HIBADH: variants seen among roughly 807,000 people sequenced by gnomAD.
HIBADH encodes 3-hydroxyisobutyrate dehydrogenase, mitochondrial.
Under a neutral mutation model 36.1 loss-of-function variants are expected in HIBADH, and 25 were observed. The ratio of observed to expected loss-of-function variants is 0.69; its 90% CI spans 0.50 to 0.97. HIBADH has a LOEUF of 0.97. Among genes scored for constraint, HIBADH ranks in the 50% least tolerant of loss-of-function variants. The pLI is 0.00. For synonymous variants in HIBADH, 160 were observed against 149.5 expected (o/e 1.07, Z -0.51); for missense variants, 421 against 418.0 (o/e 1.01, Z -0.06).
intron 7 of HIBADH, among the ~76,000 whole-genome samples, chr7:27,527,014 G>A (rs901676687): frequency 6.6e-6 from 1 of 152,096 alleles, no homozygotes; most frequent in African/African-American, 2.4e-5. Context: ...ACATGGGGGT[G>A]GCAGGGAGGT....
At chr7:27,643,419 A>T (rs1262879008) in intron 2 of HIBADH, among the ~76,000 whole-genome samples, 1 of 152,264 alleles carries the variant, frequency 6.6e-6, no homozygotes, top group Non-Finnish European at 1.5e-5. Context: ...ATTAACATAC[A>T]GTGATTAATA....
At chr7:27,561,092 A>G (rs1357758821) in intron 4 of HIBADH, among the ~76,000 whole-genome samples, 1 of 152,160 alleles carries the variant, frequency 6.6e-6, no homozygotes, top group Admixed American at 6.5e-5. Flanking sequence ...CTTATTAGTC[A>G]TCTGTGTATC....
At chr7:27,629,111 G>A (rs528988994) in intron 4 of HIBADH, among the ~76,000 whole-genome samples, 6 of 151,840 alleles carry the variant, frequency 4.0e-5, no homozygotes, top group South Asian at 2.1e-4. Flanking sequence ...AAAAACTGAT[G>A]TATTCCTATC....
intron 4 of HIBADH, among the ~76,000 whole-genome samples, chr7:27,615,559 C>T (rs1166751168): frequency 1.3e-5 from 2 of 152,186 alleles, no homozygotes; most frequent in African/African-American, 4.8e-5. Context: ...ATGAGATCAT[C>T]ACGGAACTGA....
chr7:27,647,117 C>T (rs1387011772), intron 2 of HIBADH, among the ~76,000 whole-genome samples: 1 of 152,072 alleles, frequency 6.6e-6, no homozygotes, highest in African/African-American at 2.4e-5. Context: ...ACTACTCTTG[C>T]GCTTTGGACC....
intron 4 of HIBADH, among the ~76,000 whole-genome samples, chr7:27,548,196 TA>T (rs36140938): frequency 5.5e-5 from 8 of 144,202 alleles, no homozygotes; most frequent in African/African-American, 1.0e-4. Flanking sequence ...CTCTCTCTCT[TA>T]AAAAAAAAAA....
At chr7:27,559,855 T>G (rs1359553518) in intron 4 of HIBADH, among the ~76,000 whole-genome samples, 1 of 152,254 alleles carries the variant, frequency 6.6e-6, no homozygotes, top group Non-Finnish European at 1.5e-5. Flanking sequence ...ATATGTGTTG[T>G]CATTTTGATC....
At chr7:27,551,960 G>A (rs1235026887) in intron 4 of HIBADH, among the ~76,000 whole-genome samples, 1 of 152,158 alleles carries the variant, frequency 6.6e-6, no homozygotes, top group Non-Finnish European at 1.5e-5. Context: ...CTGTCACAGG[G>A]ACCATTTACG....
chr7:27,638,324 A>AAAAAAAAAAAAAAAAAC (rs1785889350), intron 2 of HIBADH, among the ~76,000 whole-genome samples: 1 of 148,548 alleles, frequency 6.7e-6, no homozygotes, highest in Admixed American at 6.7e-5. Flanking sequence ...AAAAAAAAAA[A>AAAAAAAAAAAAAAAAAC]AAAAAACAAG....
intron 4 of HIBADH, among the ~76,000 whole-genome samples, chr7:27,557,636 G>C (rs532740743): frequency 1.3e-3 from 204 of 152,260 alleles, no homozygotes; most frequent in African/African-American, 4.7e-3. Flanking sequence ...CCTCCAGAGG[G>C]GAGGAACATT....
intron 4 of HIBADH, among the ~76,000 whole-genome samples, chr7:27,624,499 T>C (rs970850428): frequency 6.6e-6 from 1 of 152,242 alleles, no homozygotes; most frequent in South Asian, 2.1e-4. Context: ...TATTTACTGC[T>C]ACATATAACA....
At chr7:27,649,889 T>TAA (rs1038731267) in intron 1 of HIBADH, among the ~76,000 whole-genome samples, 1 of 147,004 alleles carries the variant, frequency 6.8e-6, no homozygotes, top group African/African-American at 2.5e-5. Flanking sequence ...TAATATTTAT[T>TAA]AAAAAAAAAA....
chr7:27,571,611 T>TA (rs1488531116), intron 4 of HIBADH, among the ~76,000 whole-genome samples: 29 of 152,346 alleles, frequency 1.9e-4, no homozygotes, highest in African/African-American at 7.0e-4. Flanking sequence ...AGAGATTGAA[T>TA]ATTTTTGTTT....
chr7:27,648,946 T>C (rs1786125691), intron 2 of HIBADH, among the ~76,000 whole-genome samples: 1 of 152,250 alleles, frequency 6.6e-6, no homozygotes, highest in Non-Finnish European at 1.5e-5. Flanking sequence ...TATGTTCACA[T>C]ACATTCTCTC....
chr7:27,628,992 C>T (rs961411234), intron 4 of HIBADH, among the ~76,000 whole-genome samples: 1 of 151,970 alleles, frequency 6.6e-6, no homozygotes, highest in East Asian at 1.9e-4. Context: ...GCCAATGCTT[C>T]CCTTGTGAAA....
At chr7:27,598,406 C>T (rs1785066439) in intron 4 of HIBADH, among the ~76,000 whole-genome samples, 1 of 152,010 alleles carries the variant, frequency 6.6e-6, no homozygotes, top group African/African-American at 2.4e-5. Flanking sequence ...TTATTTTAGA[C>T]AAAACTAATA....
chr7:27,527,918 G>GTTTT (rs746260280), intron 7 of HIBADH, among the ~76,000 whole-genome samples: 6 of 61,692 alleles, frequency 9.7e-5, no homozygotes, highest in Non-Finnish European at 1.8e-4. Context: ...CACACCCAGC[G>GTTTT]TTTTTTTTTT....
chr7:27,661,409 G>A (rs1374731796), intron 1 of HIBADH, among the ~76,000 whole-genome samples: 1 of 152,020 alleles, frequency 6.6e-6, no homozygotes, highest in African/African-American at 2.4e-5. Context: ...GCAACATGGC[G>A]AAACTCCGTC....
At chr7:27,565,455 T>C (rs569269053) in intron 4 of HIBADH, among the ~76,000 whole-genome samples, 2 of 152,286 alleles carry the variant, frequency 1.3e-5, no homozygotes, top group Non-Finnish European at 2.9e-5. Flanking sequence ...ATAAACTCTA[T>C]ATCTTAAAAC....
Sources: gnomAD v4.1 joint callset for allele counts (sites outside exome capture counted in the v4.1 genomes callset) on GRCh38, gnomAD v4.1.1 for gene constraint, MANE v1.5 for transcripts, NCBI Gene and HGNC (gene_info 2026-07-23, HGNC 2026-07-21) for gene names.